The following NAP1L4 variants were observed in gnomAD, a reference collection of about 807,000 sequenced individuals.
NAP1L4 encodes nucleosome assembly protein 1 like 4, also known as nucleosome assembly protein 1-like 4.
In NAP1L4, 15 loss-of-function variants were observed where a neutral mutation model predicts 58.2. The observed-to-expected ratio is 0.26, with a 90% confidence interval of 0.17 to 0.40. The LOEUF (loss-of-function observed/expected upper bound fraction) is 0.40, where lower values mean the gene tolerates loss of function less well. Ranked by LOEUF, NAP1L4 falls within the 10% of genes least tolerant of loss-of-function variation. NAP1L4 has a pLI of 1.00. For synonymous variants in NAP1L4, 171 were observed against 155.6 expected (o/e 1.10, Z -0.74); for missense variants, 384 against 451.1 (o/e 0.85, Z 1.35).
chr11:2,965,394 G>A (rs1847210222), intron 7 of NAP1L4, among the ~76,000 whole-genome samples: 1 of 152,178 alleles, frequency 6.6e-6, no homozygotes, highest in African/African-American at 2.4e-5. Context: ...GGAAGCAGCT[G>A]GTGATGGTAC....
At chr11:2,967,089 T>A (rs550162015) in intron 7 of NAP1L4, among the ~76,000 whole-genome samples, 1 of 152,270 alleles carries the variant, frequency 6.6e-6, no homozygotes, top group East Asian at 1.9e-4. Flanking sequence ...TCAGAGTTAA[T>A]CCGCCTTTGG....
chr11:2,945,034 C>T lies in NAP1L4; in HGVS notation c.*645G>A, dbSNP rs1196272777. ...TCACCTGGGCTGGTGTGTCACAACC[C>T]TGACCCACCCCTAAAAAAAAAAAAA... On this transcript the variant is annotated 3_prime_UTR_variant, in exon 16 of 16. Coordinates refer to ENST00000380542, the MANE Select transcript of NAP1L4 (RefSeq NM_005969.4). The T allele has an allele frequency of 1.3e-5, 2 of 152,052 alleles. No homozygotes were observed. The highest frequency in any genetic ancestry group is 4.8e-5 in the African/African-American group (2 of 41,352). The allele number at this position is 152,052 out of a possible 1,614,324, so 9.4% of individuals were successfully genotyped here.
At chr11:2,970,993 A>C (rs1192402581) in intron 6 of NAP1L4, among the ~76,000 whole-genome samples, 1 of 152,154 alleles carries the variant, frequency 6.6e-6, no homozygotes. Flanking sequence ...CACTAGAAAA[A>C]GGCTGTGAGC....
At chr11:2,980,034 T>C (rs913019868) in intron 1 of NAP1L4, among the ~76,000 whole-genome samples, 7 of 152,194 alleles carry the variant, frequency 4.6e-5, no homozygotes, top group Non-Finnish European at 1.0e-4. Flanking sequence ...GTATTGCTTG[T>C]GTAAAAACCT....
At chr11:2,966,377 C>T (rs1349169257) in intron 7 of NAP1L4, among the ~76,000 whole-genome samples, 1 of 152,134 alleles carries the variant, frequency 6.6e-6, no homozygotes, top group Non-Finnish European at 1.5e-5. Flanking sequence ...CACACCAGAA[C>T]TTACTCCTCC....
rs948137117 is a variant in NAP1L4 at position 2,948,864 on chromosome 11, C to G, written c.*32+363G>C. On this transcript the variant is annotated intron_variant, in intron 15 of 15. Transcript: ENST00000380542. The surrounding 1 kb of genome is among the most constrained non-coding windows in gnomAD (Gnocchi z 5.1). ...TGTGTTCTGAGCACAGCTGGGACAG[C>G]CCAGTGTGTTATGCTCTCTGCAAGG... Among the ~76,000 whole-genome samples, 2 of 152,194 alleles carry G rather than the reference C, an allele frequency of 1.3e-5. No homozygotes were observed. The highest frequency in any genetic ancestry group is 4.8e-5 in the African/African-American group (2 of 41,434).
chr11:2,963,162 A>G (rs933749610), intron 8 of NAP1L4, among the ~76,000 whole-genome samples: 3 of 78,482 alleles, frequency 3.8e-5, no homozygotes, highest in African/African-American at 1.0e-4. Context: ...AAAAGAAAGG[A>G]AAAAAAAAGG....
intron 1 of NAP1L4, chr11:2,981,559 T>C (rs1000460796): frequency 7.9e-5 from 12 of 151,874 alleles, no homozygotes; most frequent in Non-Finnish European, 1.5e-4. Context: ...CCAGGTGTGG[T>C]AGCTCACACC....
intron 3 of NAP1L4, among the ~76,000 whole-genome samples, chr11:2,977,074 C>T (rs1010617061): frequency 6.6e-6 from 1 of 152,212 alleles, no homozygotes; most frequent in African/African-American, 2.4e-5. Flanking sequence ...AACACAACCA[C>T]TAACATGAAG....
intron 4 of NAP1L4, among the ~76,000 whole-genome samples, chr11:2,973,135 C>A (rs1469154373): frequency 6.6e-6 from 1 of 152,186 alleles, no homozygotes. Flanking sequence ...CGTGGGAATC[C>A]ACACTTGTTA....
intron 7 of NAP1L4, among the ~76,000 whole-genome samples, chr11:2,967,200 G>A (rs567082515): frequency 2.0e-5 from 3 of 152,292 alleles, no homozygotes; most frequent in South Asian, 4.1e-4. Context: ...AGACAGCAGT[G>A]TCCTGACTGT....
chr11:2,947,881 C>T (rs920373510), intron 15 of NAP1L4, among the ~76,000 whole-genome samples: 3 of 152,208 alleles, frequency 2.0e-5, no homozygotes, highest in Admixed American at 6.5e-5. Context: ...GCTGCGCTGG[C>T]GAAGAAGCCC....
intron 1 of NAP1L4, among the ~76,000 whole-genome samples, chr11:2,980,413 T>C (rs547435422): frequency 6.6e-6 from 1 of 152,266 alleles, no homozygotes; most frequent in Admixed American, 6.5e-5. Flanking sequence ...CCCAAACTCC[T>C]GGCCTCAAGA....
At position 2,955,125 on chromosome 11, in the gene NAP1L4, C is replaced by A. The variant is rs979357289; in HGVS notation, c.916-479G>T. ...AGGTTGGAGGGCAGTGGTGCAATCACAGCTCACTCCAGCCTCAAGCTCCTG... is the reference window on the plus strand; with the variant it reads ...AGGTTGGAGGGCAGTGGTGCAATCAAAGCTCACTCCAGCCTCAAGCTCCTG... On this transcript the variant is annotated intron_variant, in intron 11 of 15. Coordinates refer to ENST00000380542, the MANE Select transcript of NAP1L4 (RefSeq NM_005969.4). The surrounding 1 kb of genome is among the most constrained non-coding windows in gnomAD (Gnocchi z 4.2). 1.3e-5 allele frequency among the ~76,000 whole-genome samples: 2 copies of A among 152,006 alleles called. No homozygotes were observed. The highest frequency in any genetic ancestry group is 4.8e-5 in the African/African-American group (2 of 41,360).
chr11:2,976,993 T>A (rs993941256), intron 3 of NAP1L4, among the ~76,000 whole-genome samples: 10 of 151,868 alleles, frequency 6.6e-5, no homozygotes, highest in African/African-American at 2.4e-4. Context: ...TCCCGAGTAT[T>A]CTCCCATGAT....
intron 8 of NAP1L4, chr11:2,963,766 G>A (rs1296703148): frequency 1.9e-6 from 1 of 519,282 alleles, no homozygotes; most frequent in African/African-American, 1.9e-5. Context: ...AGCCCGTCAT[G>A]CAGCATTTGT....
At chr11:2,968,830 G>C (rs988900080) in intron 7 of NAP1L4, among the ~76,000 whole-genome samples, 2 of 152,090 alleles carry the variant, frequency 1.3e-5, no homozygotes, top group African/African-American at 4.8e-5. Flanking sequence ...TGAGACTTAA[G>C]GCAAGATTTG....
At position 2,954,419 on chromosome 11, in the gene NAP1L4, G is replaced by A; in HGVS notation, c.1035+108C>T. The A allele has an allele frequency of 1.3e-6, 2 of 1,493,240 alleles. No individual in the cohort carries two copies. The highest frequency in any genetic ancestry group is 9.3e-7 in the Non-Finnish European group (1 of 1,075,910). The allele number at this position is 1,493,240 out of a possible 1,614,324, so 92.5% of individuals were successfully genotyped here. A position where few individuals can be genotyped will look rare whatever the true frequency, so the allele number is the denominator to read the frequency against. On this transcript the variant is annotated intron_variant, in intron 12 of 15. Coordinates refer to ENST00000380542, the MANE Select transcript of NAP1L4 (RefSeq NM_005969.4). This position sits in a 1 kb window ranked among gnomAD's most constrained non-coding sequence, Gnocchi z 4.8. ...TTGGACTACATATCTGGCTGATGAT[G>A]TAATAAAAAGATTAGGCATGGGGGT...
intron 1 of NAP1L4, among the ~76,000 whole-genome samples, chr11:2,987,006 T>C (rs1454876028): frequency 6.6e-6 from 1 of 151,950 alleles, no homozygotes; most frequent in Admixed American, 6.6e-5. Context: ...TCCAAGAGAG[T>C]CTGACCAGCC....
Sources: allele counts gnomAD v4.1 joint callset (sites outside exome capture counted in the v4.1 genomes callset), GRCh38; gene constraint gnomAD v4.1.1; non-coding constraint Gnocchi (gnomAD v3.1); transcripts MANE v1.5; gene names NCBI Gene and HGNC (gene_info 2026-07-23, HGNC 2026-07-21).